TTC17: variants seen among roughly 807,000 people sequenced by gnomAD.
TTC17 encodes the protein tetratricopeptide repeat protein 17.
Under a neutral mutation model 143.8 loss-of-function variants are expected in TTC17, and 58 were observed. That is an observed-to-expected ratio of 0.40 (90% CI 0.33 to 0.50). The LOEUF (loss-of-function observed/expected upper bound fraction) is 0.50. TTC17 is among the 20% of genes least tolerant of loss of function. The pLI is 0.49. For synonymous variants in TTC17, 501 were observed against 497.8 expected, an observed-to-expected ratio of 1.01 and a Z score of -0.09; for missense variants, 1,273 against 1,392.5, an observed-to-expected ratio of 0.91 and a Z score of 1.37.
At position 43,407,490 on chromosome 11, in the gene TTC17, C is replaced by T. The variant is rs1858198208; in HGVS notation, c.1977C>T (p.Val659=). The change falls in exon 15 of 24, where the codon GTC becomes GTT. Residue 659 remains valine (V), a synonymous_variant. Transcript: ENST00000039989. ...TTCAATACCAAGATGTTCCTCTTGT[C>T]AACTTGGCCAACCTTTTGATTCATT... ...APLQYQDVPL[V]NLANLLIHYG... 1 of 1,613,916 alleles carries T rather than the reference C, an allele frequency of 6.2e-7. No homozygotes were observed. Among genetic ancestry groups the T allele is most frequent in the African/African-American group, 1.3e-5 (1 of 74,926 alleles).
At chr11:43,445,730 A>C (rs533109013) in intron 18 of TTC17, among the ~76,000 whole-genome samples, 3 of 152,360 alleles carry the variant, frequency 2.0e-5, no homozygotes, top group African/African-American at 7.2e-5. Flanking sequence ...AGAGAGATTC[A>C]AAAACCCAAT....
chr11:43,471,513 C>T lies in TTC17; in HGVS notation c.3031-18726C>T, dbSNP rs188863437. On this transcript the variant is annotated intron_variant, in intron 21 of 23. Transcript: ENST00000039989. Reference sequence around the variant, plus strand: ...GCAAAATCATTTTTGCCAACCAGCCCAGCTGCAGTTTGGTTTCTGGTCAAG... The same window carrying T: ...GCAAAATCATTTTTGCCAACCAGCCTAGCTGCAGTTTGGTTTCTGGTCAAG... Among the ~76,000 whole-genome samples the T allele has an allele frequency of 1.0e-3, 157 of 152,306 alleles. 1 individual carries two copies. In the Middle Eastern group the frequency reaches 0.02, roughly 20 times the overall value.
Position 43,444,203 on chromosome 11 carries a change from C to T in TTC17, c.2659C>T (p.Pro887Ser). 3.1e-6 allele frequency: 5 copies of T among 1,598,020 alleles called. No homozygotes were observed. Among genetic ancestry groups the T allele is most frequent in the Non-Finnish European group, 4.3e-6 (5 of 1,175,364 alleles). ...TGGCCCCAAGGTGGCATCTCCTGGGCCACAAGGTAAATTTGAATGTTTAAT... is the reference window on the plus strand; with the variant it reads ...TGGCCCCAAGGTGGCATCTCCTGGGTCACAAGGTAAATTTGAATGTTTAAT... The part of the protein sequence containing the change: ...ITGPKVASPG[P>S]QGKKRDYQRL... Residue 887 changes from proline to serine, a missense_variant, in exon 18 of 24, where the codon CCA becomes TCA. Pro to Ser is a moderately conservative substitution (Grantham distance 74). Around this residue, in one of 3 missense-constraint regions of TTC17, gnomAD observed 878 missense variants for 899.8 expected, o/e 0.98. Coordinates refer to ENST00000039989, the MANE Select transcript of TTC17 (RefSeq NM_018259.6).
chr11:43,438,323 A>G (rs892302687), intron 16 of TTC17, among the ~76,000 whole-genome samples: 3 of 152,088 alleles, frequency 2.0e-5, no homozygotes, highest in Non-Finnish European at 2.9e-5. Flanking sequence ...ACACCCAGCT[A>G]ATTTTTTTGT....
chr11:43,488,362 C>A (rs927140811), intron 21 of TTC17, among the ~76,000 whole-genome samples: 10 of 152,036 alleles, frequency 6.6e-5, no homozygotes, highest in African/African-American at 2.4e-4. Flanking sequence ...TCTGTAATGG[C>A]TGGGAGTCAG....
intron 16 of TTC17, among the ~76,000 whole-genome samples, chr11:43,425,261 G>A (rs953239511): frequency 1.3e-5 from 2 of 152,044 alleles, no homozygotes; most frequent in African/African-American, 4.8e-5. Flanking sequence ...CGAAGCTAGG[G>A]TGCACCCTGA....
At chr11:43,396,545 G>A in intron 5 of TTC17, 164 bp from the exon 6 acceptor site, 1 of 418,246 alleles carries the variant, frequency 2.4e-6, no homozygotes, top group Non-Finnish European at 4.3e-6. Flanking sequence ...GACAGGTATA[G>A]TTTCTTTGCA....
At chr11:43,385,826 T>A (rs1590335645) in intron 2 of TTC17, among the ~76,000 whole-genome samples, 1 of 150,872 alleles carries the variant, frequency 6.6e-6, no homozygotes, top group Non-Finnish European at 1.5e-5. Flanking sequence ...GGAAATAATA[T>A]TATAAATAAC....
chr11:43,437,317 T>C (rs1947315014), intron 16 of TTC17, among the ~76,000 whole-genome samples: 3 of 152,214 alleles, frequency 2.0e-5, no homozygotes, highest in Non-Finnish European at 2.9e-5. Context: ...TCTCTTCATT[T>C]ATTCCCACTG....
At chr11:43,478,565 T>C (rs1373149544) in intron 21 of TTC17, among the ~76,000 whole-genome samples, 6 of 152,196 alleles carry the variant, frequency 3.9e-5, no homozygotes, top group Non-Finnish European at 8.8e-5. Flanking sequence ...GTGTTGAAGC[T>C]GAATGATGAG....
intron 16 of TTC17, among the ~76,000 whole-genome samples, chr11:43,437,154 A>C (rs1947311578): frequency 6.6e-6 from 1 of 152,114 alleles, no homozygotes; most frequent in Non-Finnish European, 1.5e-5. Context: ...ATAGGCACTT[A>C]AATGTAGCAT....
chr11:43,438,159 TA>T (rs1360170678), intron 16 of TTC17, among the ~76,000 whole-genome samples: 2 of 152,196 alleles, frequency 1.3e-5, no homozygotes, highest in Non-Finnish European at 2.9e-5. Flanking sequence ...CCCAAGGCCC[TA>T]TGGTGGTAAT....
chr11:43,398,143 A>T (rs1196708605), intron 8 of TTC17, 30 bp downstream of exon 8: 2 of 1,612,372 alleles, frequency 1.2e-6, no homozygotes, highest in East Asian at 2.2e-5. Context: ...TCACTCAAGC[A>T]TTAGCACTAT....
At chr11:43,381,282 C>T (rs1439661063) in intron 2 of TTC17, among the ~76,000 whole-genome samples, 1 of 152,038 alleles carries the variant, frequency 6.6e-6, no homozygotes, top group Non-Finnish European at 1.5e-5. Context: ...AAAATGTAGG[C>T]AGGCTTGAAA....
rs11037451 is a variant in TTC17 at position 43,486,497 on chromosome 11, A to G, written c.3031-3742A>G. 6.3e-3 allele frequency: 2,690 copies of G among 427,444 alleles called. 18 individuals are homozygous for G. Among genetic ancestry groups the G allele is most frequent in the Non-Finnish European group, 0.01 (2,134 of 209,272 alleles). 26.5% of individuals were successfully genotyped at this position (427,444 alleles called of 1,614,324 possible). A position where few individuals can be genotyped will look rare whatever the true frequency, so the allele number is the denominator to read the frequency against. ...ATTTTCATAAAGTACAGGAAGAAGT[A>G]AACTAATGTATATTGTTGAGTCAAG... On this transcript the variant is annotated intron_variant, in intron 21 of 23. Coordinates refer to ENST00000039989, the MANE Select transcript of TTC17 (RefSeq NM_018259.6).
intron 21 of TTC17, among the ~76,000 whole-genome samples, chr11:43,455,571 T>C (rs1357965414): frequency 6.6e-6 from 1 of 152,096 alleles, no homozygotes; most frequent in Admixed American, 6.5e-5. Context: ...CCAAAACATA[T>C]AATTTATTCA....
chr11:43,454,128 T>C (rs1476737033), intron 21 of TTC17, among the ~76,000 whole-genome samples: 4 of 152,148 alleles, frequency 2.6e-5, no homozygotes, highest in African/African-American at 9.7e-5. Context: ...AATAGGAGAA[T>C]ATATGAAAGG....
chr11:43,441,601 C>A lies in TTC17; in HGVS notation c.2252-1724C>A, dbSNP rs574556775. On this transcript the variant is annotated intron_variant, in intron 16 of 23. Coordinates refer to ENST00000039989, the MANE Select transcript of TTC17 (RefSeq NM_018259.6). ...TGGTTTATTTTTTGCTAACTCAGAG[C>A]ACACTTATAATCTACTTATTCTTCA... Among the ~76,000 whole-genome samples, 11 of 152,116 alleles carry A rather than the reference C, an allele frequency of 7.2e-5. No homozygotes were observed. In the East Asian group the frequency reaches 7.7e-4, roughly 11 times the overall value.
intron 18 of TTC17, chr11:43,447,563 G>A (rs1947570180): frequency 6.1e-6 from 1 of 164,550 alleles, no homozygotes; most frequent in Admixed American, 6.0e-5. Context: ...CAATGCACAG[G>A]ACAGGTCCCT....
Sources: gnomAD v4.1 joint callset for allele counts (sites outside exome capture counted in the v4.1 genomes callset) on GRCh38, gnomAD v4.1.1 for gene constraint, gnomAD v4.1.1 regional missense constraint, MANE v1.5 for transcripts, NCBI Gene and HGNC (gene_info 2026-07-23, HGNC 2026-07-21) for gene names.